The following OSBPL9 variants were observed in gnomAD, a reference collection of about 807,000 sequenced individuals.
The protein encoded by OSBPL9 is oxysterol-binding protein-related protein 9.
In OSBPL9, 40 loss-of-function variants were observed where a neutral mutation model predicts 106.6. That is an observed-to-expected ratio of 0.38 (90% CI 0.29 to 0.49). OSBPL9 has a LOEUF of 0.49. OSBPL9 is among the 20% of genes least tolerant of loss of function. OSBPL9 has a pLI of 0.97. For missense variants in OSBPL9, 609 were observed against 887.2 expected (o/e 0.69, Z 3.98); for synonymous variants, 269 against 295.4 (o/e 0.91, Z 0.92).
chr1:51,742,048 A>G (rs979330793), intron 4 of OSBPL9, among the ~76,000 whole-genome samples: 3 of 152,100 alleles, frequency 2.0e-5, no homozygotes, highest in Non-Finnish European at 4.4e-5. Flanking sequence ...AAATCTCGGG[A>G]GAGGAGGTCG....
At chr1:51,747,606 T>C (rs755343232) in intron 6 of OSBPL9, among the ~76,000 whole-genome samples, 2 of 146,842 alleles carry the variant, frequency 1.4e-5, no homozygotes, top group Non-Finnish European at 3.0e-5. Flanking sequence ...TAGCCTTGCG[T>C]TTGGCTCTTT....
At chr1:51,523,618 C>T in the OSBPL9 span, among the ~76,000 whole-genome samples, 3 of 151,948 alleles carry the variant, frequency 2.0e-5, no homozygotes, top group Non-Finnish European at 1.5e-5. Flanking sequence ...TAATCACCAC[C>T]CAGGAAGACT....
intron 12 of OSBPL9, among the ~76,000 whole-genome samples, chr1:51,767,868 A>G (rs903557060): frequency 6.6e-6 from 1 of 151,786 alleles, no homozygotes; most frequent in South Asian, 2.1e-4. Flanking sequence ...AAATTCGAAA[A>G]TGAAAGGTTA....
At chr1:51,689,617 A>G (rs762663307) in intron 3 of OSBPL9, among the ~76,000 whole-genome samples, 5 of 152,222 alleles carry the variant, frequency 3.3e-5, no homozygotes, top group East Asian at 3.8e-4. Context: ...TTAATATTCA[A>G]TAAAACCTCT....
At chr1:51,578,828 A>C (rs554879005) in intron 1 of OSBPL9, among the ~76,000 whole-genome samples, 1 of 152,296 alleles carries the variant, frequency 6.6e-6, no homozygotes, top group East Asian at 1.9e-4. Context: ...AAGTAAACAG[A>C]CAAGTCAAAC....
chr1:51,769,485 A>T (rs1286233995), intron 12 of OSBPL9, among the ~76,000 whole-genome samples: 1 of 152,212 alleles, frequency 6.6e-6, no homozygotes, highest in Non-Finnish European at 1.5e-5. Context: ...TCTGTGTATT[A>T]TGAGCGTCAT....
chr1:51,652,079 C>G, intron 2 of OSBPL9, 38 bp downstream of exon 2: 1 of 1,481,002 alleles, frequency 6.8e-7, no homozygotes, highest in Non-Finnish European at 9.3e-7. Context: ...TCAATTTTGA[C>G]AGAAGAAAAT....
intron 15 of OSBPL9, among the ~76,000 whole-genome samples, chr1:51,778,100 A>G (rs1571737247): frequency 6.6e-6 from 1 of 152,126 alleles, no homozygotes; most frequent in African/African-American, 2.4e-5. Flanking sequence ...TGAGGCTGGG[A>G]CTGTGAGCTA....
rs144354494 is a variant in OSBPL9 at position 51,718,025 on chromosome 1, T to G, written c.318+3946T>G. ...TAAACACAATGGAATACTATTCAGC[T>G]GTGAAAAAGAATGAAATCCTGTCAT... is the stretch of plus-strand genomic sequence containing the variant. On this transcript the variant is annotated intron_variant, in intron 4 of 23. Coordinates refer to ENST00000428468, the MANE Select transcript of OSBPL9 (RefSeq NM_024586.6). Among the ~76,000 whole-genome samples, 872 of 152,308 alleles carry G rather than the reference T, an allele frequency of 5.7e-3. 2 individuals carry two copies. The highest frequency in any genetic ancestry group is 0.02 in the African/African-American group (827 of 41,566).
intron 2 of OSBPL9, among the ~76,000 whole-genome samples, chr1:51,611,300 A>G (rs972398305): frequency 6.6e-6 from 1 of 151,088 alleles, no homozygotes; most frequent in Non-Finnish European, 1.5e-5. Flanking sequence ...TTTTGCTTCT[A>G]CCAAATATAA....
intron 2 of OSBPL9, among the ~76,000 whole-genome samples, chr1:51,660,408 A>G (rs1647067166): frequency 6.6e-6 from 1 of 152,206 alleles, no homozygotes; most frequent in African/African-American, 2.4e-5. Context: ...TCAGTTGGCA[A>G]AGGATTAATA....
intron 1 of OSBPL9, 52 bp from the exon 2 acceptor site, chr1:51,651,939 A>G (rs1270168311): frequency 4.2e-6 from 6 of 1,426,658 alleles, no homozygotes; most frequent in African/African-American, 1.4e-5. Context: ...TCTAAAAACA[A>G]TTTACCAGTC....
intron 4 of OSBPL9, chr1:51,730,076 G>A: frequency 7.9e-7 from 1 of 1,269,584 alleles, no homozygotes; most frequent in Admixed American, 3.8e-5. Context: ...CCGCCAGGCC[G>A]GAGCGCGAAT....
chr1:51,541,934 C>T, the OSBPL9 span, among the ~76,000 whole-genome samples: 2 of 152,086 alleles, frequency 1.3e-5, no homozygotes, highest in Admixed American at 1.3e-4. Flanking sequence ...GTCACCCAGG[C>T]TGAAGTGCAG....
At chr1:51,778,367 C>A (rs938842977) in intron 15 of OSBPL9, among the ~76,000 whole-genome samples, 1 of 151,982 alleles carries the variant, frequency 6.6e-6, no homozygotes, top group Non-Finnish European at 1.5e-5. Flanking sequence ...ATTAAAAAAG[C>A]AGGATTTATC....
At chr1:51,769,201 A>ACT (rs58650653) in intron 12 of OSBPL9, among the ~76,000 whole-genome samples, 148,123 of 152,286 alleles carry the variant, frequency 0.97, 72,036 homozygotes, top group East Asian at 1. Flanking sequence ...TGATTTTCTA[A>ACT]CTGAGGTCAA....
intron 7 of OSBPL9, among the ~76,000 whole-genome samples, chr1:51,749,293 C>T (rs1048702945): frequency 4.6e-5 from 7 of 151,998 alleles, no homozygotes; most frequent in Non-Finnish European, 8.8e-5. Flanking sequence ...ATCCTTTATT[C>T]TCCATACTTC....
At chr1:51,776,774 T>TA (rs1286677332) in intron 14 of OSBPL9, 59 bp from the exon 15 acceptor site, 1 of 1,084,790 alleles carries the variant, frequency 9.2e-7, no homozygotes, top group Non-Finnish European at 1.4e-6. Flanking sequence ...TTTTTTTTTT[T>TA]AGTCTGTTTA....
At chr1:51,616,798 T>C (rs1461940689), upstream of OSBPL9, 9 of 243,776 alleles carry the variant, frequency 3.7e-5, no homozygotes, top group Non-Finnish European at 6.5e-5. Flanking sequence ...CTTTTGGAAG[T>C]GGAAGGTATC....
Sources: allele counts gnomAD v4.1 joint callset (sites outside exome capture counted in the v4.1 genomes callset), GRCh38; gene constraint gnomAD v4.1.1; transcripts MANE v1.5; gene names NCBI Gene and HGNC (gene_info 2026-07-23, HGNC 2026-07-21).